The following TBL1XR1 variants were observed in gnomAD, a reference collection of about 807,000 sequenced individuals.
TBL1XR1 encodes the protein TBL1X/Y related 1, also known as F-box-like/WD repeat-containing protein TBL1XR1.
Under a neutral mutation model 66.9 loss-of-function variants are expected in TBL1XR1, and 5 were observed. That is an observed-to-expected ratio of 0.07 (90% CI 0.04 to 0.16). The LOEUF is 0.16. TBL1XR1 is among the 10% of genes least tolerant of loss of function. TBL1XR1 has a pLI of 1.00. For synonymous variants in TBL1XR1, 210 were observed against 206.0 expected, an observed-to-expected ratio of 1.02 and a Z score of -0.17; for missense variants, 238 against 623.2, an observed-to-expected ratio of 0.38 and a Z score of 6.58.
intron 1 of TBL1XR1, among the ~76,000 whole-genome samples, chr3:177,113,454 T>C (rs922565243): frequency 2.6e-5 from 4 of 152,048 alleles, no homozygotes; most frequent in Admixed American, 6.5e-5. Flanking sequence ...GAGAAAATAT[T>C]TGCAAATTAT....
intron 2 of TBL1XR1, among the ~76,000 whole-genome samples, chr3:177,097,256 C>T (rs1373662608): frequency 6.6e-6 from 1 of 151,992 alleles, no homozygotes; most frequent in Non-Finnish European, 1.5e-5. Context: ...TGGTAATGAA[C>T]TACAGAAAAT....
intron 1 of TBL1XR1, among the ~76,000 whole-genome samples, chr3:177,189,424 G>A (rs1735839018): frequency 1.3e-5 from 2 of 151,774 alleles, no homozygotes; most frequent in Non-Finnish European, 2.9e-5. Context: ...AGGCCAAGGT[G>A]GGTGGATCAC....
rs377277696 is a variant in TBL1XR1, at chr3:177,088,845, C to T, written c.-46+9621G>A. On this transcript the variant is annotated intron_variant, in intron 2 of 15. Coordinates refer to ENST00000457928, the MANE Select transcript of TBL1XR1 (RefSeq NM_024665.7). ...TGAAAATGGTTCACACAATATCATG[C>T]GACAATGTCCTTCTTTCTTCACATT... is the stretch of plus-strand genomic sequence containing the variant. 1.2e-4 allele frequency among the ~76,000 whole-genome samples: 19 copies of T among 152,240 alleles called. No individual in the cohort carries two copies. In the South Asian group the frequency reaches 3.5e-3, roughly 28 times the overall value.
At chr3:177,086,385 T>C (rs976925219) in intron 2 of TBL1XR1, among the ~76,000 whole-genome samples, 1 of 151,894 alleles carries the variant, frequency 6.6e-6, no homozygotes, top group Non-Finnish European at 1.5e-5. Flanking sequence ...GTGGTTACCA[T>C]ACTGGGTAAG....
intron 1 of TBL1XR1, chr3:177,136,197 T>C (rs1728975346): frequency 6.6e-6 from 1 of 152,152 alleles, no homozygotes; most frequent in African/African-American, 2.4e-5. Context: ...TACACACATG[T>C]ATAAGGCAGA....
intron 1 of TBL1XR1, among the ~76,000 whole-genome samples, chr3:177,106,638 A>AT (rs1724926901): frequency 1.3e-5 from 2 of 152,330 alleles, no homozygotes; most frequent in African/African-American, 4.8e-5. Context: ...GGAGAGTGGA[A>AT]TAAAAAGTGC....
upstream of TBL1XR1, among the ~76,000 whole-genome samples, chr3:177,200,011 C>G (rs768274099): frequency 2.6e-5 from 4 of 151,742 alleles, no homozygotes; most frequent in Admixed American, 2.6e-4. Context: ...TCGCTCTTGT[C>G]GCCCAGGCTA....
At chr3:177,190,318 C>A (rs1735991227) in intron 1 of TBL1XR1, among the ~76,000 whole-genome samples, 2 of 152,002 alleles carry the variant, frequency 1.3e-5, no homozygotes, top group Admixed American at 6.6e-5. Context: ...CATCCATTTT[C>A]TTTTTTTGTG....
At position 177,186,455 on chromosome 3, in the gene TBL1XR1, A is replaced by T. The variant is rs562048679; in HGVS notation, c.-122+10666T>A. On this transcript the variant is annotated intron_variant, in intron 1 of 15. Transcript: ENST00000457928. Reference sequence around the variant, plus strand: ...CTATTCTCATTACCTTATTTCAGAAACCCAAAGTAGATGAGTCAATTGCCT... The same window carrying T: ...CTATTCTCATTACCTTATTTCAGAATCCCAAAGTAGATGAGTCAATTGCCT... 3.3e-5 allele frequency among the ~76,000 whole-genome samples: 5 copies of T among 152,318 alleles called. No homozygotes were observed. The East Asian group carries it at 7.7e-4, about 23-fold the overall frequency.
chr3:177,177,959 G>A (rs77466843), intron 1 of TBL1XR1, among the ~76,000 whole-genome samples: 2,429 of 152,272 alleles, frequency 0.016, 56 homozygotes, highest in African/African-American at 0.055. Flanking sequence ...GAAAACTGCC[G>A]CGGGTGGGCA....
intron 1 of TBL1XR1, among the ~76,000 whole-genome samples, chr3:177,167,177 C>T (rs967317133): frequency 1.3e-5 from 2 of 152,108 alleles, no homozygotes; most frequent in African/African-American, 2.4e-5. Flanking sequence ...AAGAAATGAG[C>T]TATCAAACCA....
upstream of TBL1XR1, among the ~76,000 whole-genome samples, chr3:177,199,096 AT>A (rs1737278840): frequency 6.6e-6 from 1 of 152,154 alleles, no homozygotes; most frequent in South Asian, 2.1e-4. Flanking sequence ...AGGGAGTGGG[AT>A]TGGAAACTCC....
chr3:177,075,727 TC>T (rs1358174707), intron 2 of TBL1XR1, among the ~76,000 whole-genome samples: 1 of 152,234 alleles, frequency 6.6e-6, no homozygotes, highest in Admixed American at 6.5e-5. Flanking sequence ...GCTAATTTCT[TC>T]CTGCCTTGGC....
At chr3:177,198,746 C>G (rs1352003387), upstream of TBL1XR1, among the ~76,000 whole-genome samples, 3 of 152,114 alleles carry the variant, frequency 2.0e-5, no homozygotes, top group Non-Finnish European at 4.4e-5. Context: ...ATGTTTGCAG[C>G]TTTCTTAAAG....
intron 1 of TBL1XR1, among the ~76,000 whole-genome samples, chr3:177,170,834 A>G (rs1367922879): frequency 1.3e-5 from 2 of 151,898 alleles, no homozygotes; most frequent in Non-Finnish European, 2.9e-5. Flanking sequence ...CAAACTCCTG[A>G]GCTCAAGCTA....
At chr3:177,191,867 G>A (rs1178736734) in intron 1 of TBL1XR1, among the ~76,000 whole-genome samples, 2 of 152,042 alleles carry the variant, frequency 1.3e-5, no homozygotes, top group Non-Finnish European at 2.9e-5. Flanking sequence ...ACTTTGGGAG[G>A]CCGAGACGGG....
intron 1 of TBL1XR1, among the ~76,000 whole-genome samples, chr3:177,126,679 T>G (rs1727668780): frequency 6.6e-6 from 1 of 152,176 alleles, no homozygotes; most frequent in African/African-American, 2.4e-5. Context: ...TAAACTAAGT[T>G]CCATGGTAGC....
chr3:177,022,744 G>T lies in TBL1XR1; in HGVS notation c.*2754C>A, dbSNP rs1328282120. 1 of 152,442 alleles carries T rather than the reference G, an allele frequency of 6.6e-6. No homozygotes were observed. The highest frequency in any genetic ancestry group is 2.4e-5 in the African/African-American group (1 of 41,404). The allele number at this position is 152,442 out of a possible 1,614,324, so 9.4% of individuals were successfully genotyped here. On this transcript the variant is annotated 3_prime_UTR_variant, in exon 16 of 16. Coordinates refer to ENST00000457928, the MANE Select transcript of TBL1XR1 (RefSeq NM_024665.7). Reference sequence around the variant, plus strand: ...AGAACTTTACAAGCTGTGAAACTTGGTCTCTTGCAATCATGTTACTGCTCA... The same window carrying T: ...AGAACTTTACAAGCTGTGAAACTTGTTCTCTTGCAATCATGTTACTGCTCA...
rs567389830 is a variant in TBL1XR1 at position 177,161,155 on chromosome 3, G to A, written c.-122+35966C>T. On this transcript the variant is annotated intron_variant, in intron 1 of 15. Transcript: ENST00000457928. ...TTGGAAATTTGGTAAATGCTTAACA[G>A]CATAATTTTCCATTTGTTATAGTCT... 2.0e-5 allele frequency among the ~76,000 whole-genome samples: 3 copies of A among 152,278 alleles called. No individual in the cohort carries two copies. The East Asian group carries it at 5.8e-4, about 29-fold the overall frequency.
Sources: allele counts gnomAD v4.1 joint callset (sites outside exome capture counted in the v4.1 genomes callset), GRCh38; gene constraint gnomAD v4.1.1; transcripts MANE v1.5; gene names NCBI Gene and HGNC (gene_info 2026-07-23, HGNC 2026-07-21).